The following LPAR1 variants were observed in gnomAD, a reference collection of about 807,000 sequenced individuals.
LPAR1 encodes lysophosphatidic acid receptor 1.
In LPAR1, 5 loss-of-function variants were observed where a neutral mutation model predicts 23.8. That is an observed-to-expected ratio of 0.21 (90% confidence interval 0.11 to 0.44). The LOEUF (loss-of-function observed/expected upper bound fraction) is 0.44. Among genes scored for constraint, LPAR1 ranks in the 20% least tolerant of loss-of-function variants. The pLI is 0.99. For missense variants in LPAR1, 311 were observed against 482.8 expected, an observed-to-expected ratio of 0.64 and a Z score of 3.33; for synonymous variants, 160 against 164.7, an observed-to-expected ratio of 0.97 and a Z score of 0.22.
At chr9:110,981,595 T>TAA (rs60372220) in intron 2 of LPAR1, among the ~76,000 whole-genome samples, 19 of 151,098 alleles carry the variant, frequency 1.3e-4, no homozygotes, top group Middle Eastern at 3.4e-3. Context: ...TTTAAGGAAA[T>TAA]AAAAAAAAAT....
At chr9:110,970,760 A>G (rs1441647550) in intron 4 of LPAR1, among the ~76,000 whole-genome samples, 1 of 152,218 alleles carries the variant, frequency 6.6e-6, no homozygotes, top group East Asian at 1.9e-4. Context: ...TCATACTGAA[A>G]AAAACAGTGT....
chr9:111,038,534 A>G (rs1291039070), upstream of LPAR1: 7 of 445,534 alleles, frequency 1.6e-5, no homozygotes, highest in Admixed American at 1.2e-4. This position sits in a 1 kb window ranked among gnomAD's most constrained non-coding sequence, Gnocchi z 4.4. Context: ...AGCAGCGCCG[A>G]CGCCAGCCTC....
At chr9:110,977,886 AGG>A (rs1413037643) in intron 2 of LPAR1, among the ~76,000 whole-genome samples, 9 of 150,360 alleles carry the variant, frequency 6.0e-5, no homozygotes, top group Non-Finnish European at 1.2e-4. Flanking sequence ...GAAGGAAGGA[AGG>A]AAGGAAGGAA....
intron 2 of LPAR1, among the ~76,000 whole-genome samples, chr9:111,025,819 CTTGT>C (rs2097680113): frequency 6.6e-6 from 1 of 152,110 alleles, no homozygotes; most frequent in African/African-American, 2.4e-5. Context: ...TTCCCCATTG[CTTGT>C]TTTTGTCAGG....
intron 5 of LPAR1, among the ~76,000 whole-genome samples, chr9:110,922,729 G>A (rs1483977730): frequency 6.6e-6 from 1 of 151,472 alleles, no homozygotes; most frequent in Admixed American, 6.6e-5. Context: ...AGACGTCATG[G>A]GAATATTACT....
Position 111,033,278 on chromosome 9 carries a change from A to C in LPAR1, c.-182+2844T>G, listed in dbSNP as rs561964157. 8.9e-4 allele frequency among the ~76,000 whole-genome samples: 135 copies of C among 152,312 alleles called. 1 individual carries two copies. The highest frequency in any genetic ancestry group is 3.0e-3 in the African/African-American group (124 of 41,570). On this transcript the variant is annotated intron_variant, in intron 2 of 5. Transcript: ENST00000683809. ...AAGTTGATAATACAACAACAACACT[A>C]CTTTGAAATCATACTAACCTGCTAA...
At chr9:111,035,087 CCT>C (rs143803428) in intron 2 of LPAR1, among the ~76,000 whole-genome samples, 2,156 of 152,330 alleles carry the variant, frequency 0.014, 54 homozygotes, top group African/African-American at 0.05. Context: ...ATCTTTCCCC[CCT>C]GTGTTGCAGT....
intron 2 of LPAR1, among the ~76,000 whole-genome samples, chr9:111,011,189 TTAAC>T (rs3030185): frequency 0.15 from 23,411 of 152,110 alleles, 2,137 homozygotes; most frequent in African/African-American, 0.25. Context: ...TGATTATAGT[TTAAC>T]TAGTCTTATT....
chr9:110,908,671 C>T (rs1352758476), intron 5 of LPAR1, among the ~76,000 whole-genome samples: 1 of 151,966 alleles, frequency 6.6e-6, no homozygotes, highest in Non-Finnish European at 1.5e-5. Context: ...ATACGACTTC[C>T]TAGGAGGCCT....
At position 110,924,662 on chromosome 9, in the gene LPAR1, A is replaced by G. The variant is rs562509402; in HGVS notation, c.793+16759T>C. On this transcript the variant is annotated intron_variant, in intron 5 of 5. Coordinates refer to ENST00000683809, the MANE Select transcript of LPAR1 (RefSeq NM_001351411.2). ...AGCCTGAGCAACATAGCAATACACTATCTCTTAGAAAAAAAAAAAGAGGAA... is the reference window on the plus strand; with the variant it reads ...AGCCTGAGCAACATAGCAATACACTGTCTCTTAGAAAAAAAAAAAGAGGAA... 5.9e-4 allele frequency among the ~76,000 whole-genome samples: 90 copies of G among 151,924 alleles called. No homozygotes were observed. In the South Asian group the frequency reaches 0.01, roughly 18 times the overall value.
At position 111,038,404 on chromosome 9, in the gene LPAR1, C is replaced by A; in HGVS notation, c.-499G>T. On this transcript the variant is annotated 5_prime_UTR_variant, in exon 1 of 6. Transcript: ENST00000683809. The surrounding 1 kb of genome is among the most constrained non-coding windows in gnomAD (Gnocchi z 4.4). ...CCCTGGCCGCCCCAGATCCGGCCCG[C>A]GCTCCGCAGCGGGGCTGGAGACGGA... 7.2e-6 allele frequency: 2 copies of A among 276,496 alleles called. No individual in the cohort carries two copies. Among genetic ancestry groups the A allele is most frequent in the South Asian group, 5.4e-5 (2 of 36,926 alleles). The allele number at this position is 276,496 out of a possible 1,614,324, so 17.1% of individuals were successfully genotyped here. A position where few individuals can be genotyped will look rare whatever the true frequency, so the allele number is the denominator to read the frequency against.
At chr9:111,023,419 C>G (rs2097604983) in intron 2 of LPAR1, among the ~76,000 whole-genome samples, 1 of 152,194 alleles carries the variant, frequency 6.6e-6, no homozygotes, top group African/African-American at 2.4e-5. Context: ...CAGGGAAATC[C>G]TGAATCACCC....
At chr9:110,945,026 T>C (rs2095322561) in intron 4 of LPAR1, among the ~76,000 whole-genome samples, 1 of 152,188 alleles carries the variant, frequency 6.6e-6, no homozygotes, top group Admixed American at 6.5e-5. Context: ...GGGTATAATA[T>C]GCCTGAGAAG....
intron 2 of LPAR1, among the ~76,000 whole-genome samples, chr9:110,985,152 A>T (rs2096754487): frequency 6.6e-6 from 1 of 152,040 alleles, no homozygotes; most frequent in Non-Finnish European, 1.5e-5. Context: ...AGAACAAAGA[A>T]ATCAGAAATG....
At chr9:110,897,643 G>A (rs138289594) in intron 5 of LPAR1, among the ~76,000 whole-genome samples, 1 of 152,196 alleles carries the variant, frequency 6.6e-6, no homozygotes, top group East Asian at 1.9e-4. Context: ...AGGCATCTGT[G>A]TTCTTCAAAT....
intron 2 of LPAR1, among the ~76,000 whole-genome samples, chr9:110,979,015 C>T (rs1024771): frequency 0.67 from 101,034 of 151,794 alleles, 34,372 homozygotes; most frequent in African/African-American, 0.7. Flanking sequence ...AGGTCAGATC[C>T]ATCGTGTAGG....
chr9:111,017,879 C>T (rs898043816), intron 2 of LPAR1, among the ~76,000 whole-genome samples: 1 of 152,060 alleles, frequency 6.6e-6, no homozygotes, highest in Non-Finnish European at 1.5e-5. Context: ...ATCAACTGGG[C>T]ATGGTGGTGC....
At chr9:110,890,820 T>TGAGG (rs2083908942) in intron 5 of LPAR1, among the ~76,000 whole-genome samples, 1 of 152,234 alleles carries the variant, frequency 6.6e-6, no homozygotes, top group East Asian at 1.9e-4. Flanking sequence ...TAAGAAAAAA[T>TGAGG]ATTAGCACCA....
intron 2 of LPAR1, among the ~76,000 whole-genome samples, chr9:111,024,713 C>T (rs1298347331): frequency 6.6e-6 from 1 of 151,720 alleles, no homozygotes; most frequent in Non-Finnish European, 1.5e-5. Context: ...CCCCCACCCC[C>T]CAACAGGTCC....
Sources: allele counts gnomAD v4.1 joint callset (sites outside exome capture counted in the v4.1 genomes callset), GRCh38; gene constraint gnomAD v4.1.1; non-coding constraint Gnocchi (gnomAD v3.1); transcripts MANE v1.5; gene names NCBI Gene and HGNC (gene_info 2026-07-23, HGNC 2026-07-21).